The following AKAP6 variants were observed in gnomAD, a reference collection of about 807,000 sequenced individuals.
AKAP6 encodes A-kinase anchoring protein 6.
Under a neutral mutation model 188.5 loss-of-function variants are expected in AKAP6, and 58 were observed. The ratio of observed to expected loss-of-function variants is 0.31; its 90% CI spans 0.25 to 0.38. AKAP6 has a LOEUF of 0.38. Among genes scored for constraint, AKAP6 ranks in the 10% least tolerant of loss-of-function variants. The pLI is 1.00. For missense variants in AKAP6, 2,710 were observed against 2,740.0 expected (o/e 0.99, Z 0.24); for synonymous variants, 989 against 998.6 (o/e 0.99, Z 0.18).
chr14:32,343,772 AGAAATT>A (rs1472297551), intron 1 of AKAP6, among the ~76,000 whole-genome samples: 1 of 148,506 alleles, frequency 6.7e-6, no homozygotes, highest in Non-Finnish European at 1.5e-5. Flanking sequence ...AAAAAAAAAA[AGAAATT>A]AGGAACAACT....
At chr14:32,751,454 G>A (rs1007114135) in intron 11 of AKAP6, among the ~76,000 whole-genome samples, 2 of 129,072 alleles carry the variant, frequency 1.5e-5, no homozygotes, top group Admixed American at 1.5e-4. Flanking sequence ...TGTAGCTTTT[G>A]TTTTAGTTTC....
At chr14:32,606,452 A>G (rs1205198988) in intron 7 of AKAP6, among the ~76,000 whole-genome samples, 2 of 152,294 alleles carry the variant, frequency 1.3e-5, no homozygotes, top group East Asian at 3.9e-4. Context: ...CGAAGCATGC[A>G]TTATTACAGG....
intron 7 of AKAP6, among the ~76,000 whole-genome samples, chr14:32,631,173 T>A (rs1465736207): frequency 1.3e-5 from 2 of 152,090 alleles, no homozygotes; most frequent in Non-Finnish European, 2.9e-5. Flanking sequence ...AAATTTCATA[T>A]GGCATATGAA....
intron 9 of AKAP6, among the ~76,000 whole-genome samples, chr14:32,731,992 A>T (rs2086544530): frequency 6.6e-6 from 1 of 152,084 alleles, no homozygotes; most frequent in South Asian, 2.1e-4. Context: ...TTTTAAGGAA[A>T]AGAAAATGAA....
chr14:32,487,893 G>A (rs1293230305), intron 2 of AKAP6, among the ~76,000 whole-genome samples: 2 of 152,204 alleles, frequency 1.3e-5, no homozygotes, highest in African/African-American at 4.8e-5. Flanking sequence ...AAAGATTGCT[G>A]CCTGCTCCTT....
At chr14:32,357,992 C>T (rs1162386613) in intron 1 of AKAP6, among the ~76,000 whole-genome samples, 2 of 152,184 alleles carry the variant, frequency 1.3e-5, no homozygotes, top group African/African-American at 4.8e-5. Context: ...ACCAGCTGCA[C>T]TTTACTGAGA....
intron 11 of AKAP6, among the ~76,000 whole-genome samples, chr14:32,754,156 T>C (rs75339618): frequency 0.025 from 3,759 of 152,234 alleles, 143 homozygotes; most frequent in African/African-American, 0.085. Context: ...TTTCTGTCAA[T>C]ATTTGCTTTA....
chr14:32,340,450 C>A (rs1197467069), intron 1 of AKAP6, among the ~76,000 whole-genome samples: 3 of 152,162 alleles, frequency 2.0e-5, no homozygotes, highest in Non-Finnish European at 2.9e-5. Context: ...CTTCCTGAAT[C>A]TTGGTTTCCT....
chr14:32,392,053 C>G (rs1195766869), intron 1 of AKAP6, among the ~76,000 whole-genome samples: 1 of 151,974 alleles, frequency 6.6e-6, no homozygotes, highest in Non-Finnish European at 1.5e-5. Flanking sequence ...TGGGGAAACC[C>G]AAAGTGGAAA....
chr14:32,676,116 C>T (rs991836913), intron 7 of AKAP6, among the ~76,000 whole-genome samples: 1 of 152,058 alleles, frequency 6.6e-6, no homozygotes, highest in African/African-American at 2.4e-5. Flanking sequence ...ATGCATTATT[C>T]TAATTGGGTC....
intron 2 of AKAP6, among the ~76,000 whole-genome samples, chr14:32,460,339 T>C (rs544276459): frequency 6.6e-6 from 1 of 152,312 alleles, no homozygotes; most frequent in Admixed American, 6.5e-5. Flanking sequence ...GATGGCTGAA[T>C]AGCAACAGAA....
chr14:32,512,425 A>G (rs533536609), intron 2 of AKAP6, among the ~76,000 whole-genome samples: 2 of 152,314 alleles, frequency 1.3e-5, no homozygotes, highest in Admixed American at 1.3e-4. Flanking sequence ...GTGCATTGAA[A>G]TTGAATTTGT....
intron 7 of AKAP6, among the ~76,000 whole-genome samples, chr14:32,653,050 C>T (rs1042105216): frequency 6.6e-6 from 1 of 152,066 alleles, no homozygotes; most frequent in African/African-American, 2.4e-5. Context: ...GAGACCCTGT[C>T]TCAAATAAAA....
chr14:32,413,117 G>A (rs1889540808), intron 1 of AKAP6, among the ~76,000 whole-genome samples: 1 of 150,166 alleles, frequency 6.7e-6, no homozygotes, highest in African/African-American at 2.5e-5. Context: ...TGTTATGTAA[G>A]AATAGCATCA....
intron 7 of AKAP6, among the ~76,000 whole-genome samples, chr14:32,675,842 A>G (rs956789396): frequency 1.3e-5 from 2 of 152,220 alleles, no homozygotes; most frequent in African/African-American, 4.8e-5. Context: ...TTCTTTTCAC[A>G]TATCCCTGTC....
Position 32,822,594 on chromosome 14 carries a change from C to T in AKAP6, c.4781C>T (p.Thr1594Ile), listed in dbSNP as rs770122192. 5.9e-5 allele frequency: 96 copies of T among 1,613,868 alleles called. No homozygotes were observed. The highest frequency in any genetic ancestry group is 7.9e-5 in the Non-Finnish European group (93 of 1,179,962). ...GGCAGTGACAGCCTCCAGCGAAGCA[C>T]TTCTTTAGAAAGTTGGTTGACTTCC... ...KNGSDSLQRS[T>I]SLESWLTSYK... Residue 1594 changes from threonine (T) to isoleucine (I), a missense_variant, in exon 13 of 14, where the codon ACT becomes ATT. By Grantham distance (89) the Thr-to-Ile change is moderately conservative. Transcript: ENST00000280979.
At chr14:32,371,639 G>A (rs1279164778) in intron 1 of AKAP6, among the ~76,000 whole-genome samples, 8 of 152,126 alleles carry the variant, frequency 5.3e-5, no homozygotes, top group Non-Finnish European at 7.3e-5. Flanking sequence ...TGGTGACATT[G>A]GTCTGCAGTA....
intron 4 of AKAP6, among the ~76,000 whole-genome samples, chr14:32,547,493 C>G (rs1420642734): frequency 6.6e-6 from 1 of 151,984 alleles, no homozygotes; most frequent in Non-Finnish European, 1.5e-5. Flanking sequence ...TTTCTTTACT[C>G]TTCCTCCTCT....
chr14:32,662,465 A>G (rs1221914097), intron 7 of AKAP6, among the ~76,000 whole-genome samples: 3 of 152,196 alleles, frequency 2.0e-5, no homozygotes, highest in Non-Finnish European at 4.4e-5. Context: ...CAGATGAATC[A>G]TCAGAATGTT....
Sources: gnomAD v4.1 joint callset for allele counts (sites outside exome capture counted in the v4.1 genomes callset) on GRCh38, gnomAD v4.1.1 for gene constraint, MANE v1.5 for transcripts, NCBI Gene and HGNC (gene_info 2026-07-23, HGNC 2026-07-21) for gene names.